Variants in HPSE2 observed in about 807,000 individuals in gnomAD.
HPSE2 encodes the protein inactive heparanase-2.
In HPSE2, 38 loss-of-function variants were observed where a neutral mutation model predicts 60.5. The ratio of observed to expected loss-of-function variants is 0.63; its 90% CI spans 0.48 to 0.82. The LOEUF (loss-of-function observed/expected upper bound fraction) is 0.82. Ranked by LOEUF, HPSE2 falls within the 40% of genes least tolerant of loss-of-function variation. The pLI, the probability that HPSE2 is intolerant of heterozygous loss-of-function variation, is 0.00. For missense variants in HPSE2, 713 were observed against 740.4 expected (o/e 0.96, Z 0.43); for synonymous variants, 295 against 293.2 (o/e 1.01, Z -0.06).
At chr10:98,765,951 G>T (rs1248487165) in intron 3 of HPSE2, among the ~76,000 whole-genome samples, 1 of 151,892 alleles carries the variant, frequency 6.6e-6, no homozygotes, top group East Asian at 1.9e-4. Flanking sequence ...GAAAGAAATA[G>T]AGTAGAAATA....
At chr10:98,698,437 A>C (rs767763918) in intron 5 of HPSE2, among the ~76,000 whole-genome samples, 3,795 of 151,670 alleles carry the variant, frequency 0.025, 86 homozygotes, top group African/African-American at 0.065. Flanking sequence ...GTTCTTTGAA[A>C]CCAACGAGAA....
the HPSE2 span, among the ~76,000 whole-genome samples, chr10:99,291,030 G>A: frequency 2.0e-5 from 3 of 152,102 alleles, no homozygotes; most frequent in African/African-American, 4.8e-5. Flanking sequence ...GTTGAACAAC[G>A]AAAAGTAATT....
intron 3 of HPSE2, among the ~76,000 whole-genome samples, chr10:98,856,674 T>C (rs1952323875): frequency 6.6e-6 from 1 of 152,184 alleles, no homozygotes; most frequent in African/African-American, 2.4e-5. Context: ...AATCTGAATG[T>C]ACTTAATGCC....
intron 3 of HPSE2, among the ~76,000 whole-genome samples, chr10:99,027,737 A>G (rs185352379): frequency 5.7e-4 from 86 of 150,662 alleles, no homozygotes; most frequent in Admixed American, 2.3e-3. Context: ...TCTCTGATGA[A>G]TACTGATGCA....
chr10:98,902,694 T>C (rs1336674455), intron 3 of HPSE2, among the ~76,000 whole-genome samples: 1 of 152,202 alleles, frequency 6.6e-6, no homozygotes, highest in Non-Finnish European at 1.5e-5. Flanking sequence ...TTGGTGCATT[T>C]AATTGTATGC....
intron 2 of HPSE2, among the ~76,000 whole-genome samples, chr10:99,229,656 G>A (rs1849583520): frequency 1.3e-5 from 2 of 152,188 alleles, no homozygotes; most frequent in African/African-American, 4.8e-5. Context: ...GGCATGCAGT[G>A]CAACCTTCCT....
At chr10:99,132,736 C>T (rs966753474) in intron 3 of HPSE2, among the ~76,000 whole-genome samples, 1 of 152,204 alleles carries the variant, frequency 6.6e-6, no homozygotes, top group African/African-American at 2.4e-5. Flanking sequence ...GTTTTCAACA[C>T]CCGCAAACCA....
intron 2 of HPSE2, among the ~76,000 whole-genome samples, chr10:99,151,606 C>G (rs117763810): frequency 6.6e-6 from 1 of 152,032 alleles, no homozygotes; most frequent in Admixed American, 6.6e-5. Flanking sequence ...CTTAAAAGCA[C>G]GGAGGAAAAA....
intron 7 of HPSE2, among the ~76,000 whole-genome samples, chr10:98,630,525 C>A (rs1220857922): frequency 6.6e-6 from 1 of 151,962 alleles, no homozygotes; most frequent in African/African-American, 2.4e-5. Flanking sequence ...ATTACCTTTC[C>A]CCTGCTCACT....
intron 9 of HPSE2, among the ~76,000 whole-genome samples, chr10:98,561,176 T>TG (rs1944169738): frequency 6.7e-6 from 1 of 149,954 alleles, no homozygotes; most frequent in East Asian, 2.0e-4. Context: ...TTCTTTTTTT[T>TG]GTTTTTTTGA....
At chr10:98,593,781 C>T (rs185786411) in intron 9 of HPSE2, among the ~76,000 whole-genome samples, 2 of 152,164 alleles carry the variant, frequency 1.3e-5, no homozygotes, top group East Asian at 3.9e-4. Context: ...GACAATATCT[C>T]CAGTTATATT....
chr10:99,158,681 G>T (rs1846690639), intron 2 of HPSE2, among the ~76,000 whole-genome samples: 1 of 148,590 alleles, frequency 6.7e-6, no homozygotes. Flanking sequence ...CACCAGCATG[G>T]CACATGTATA....
At chr10:99,184,915 A>G (rs1023176914) in intron 2 of HPSE2, among the ~76,000 whole-genome samples, 12 of 148,884 alleles carry the variant, frequency 8.1e-5, no homozygotes, top group African/African-American at 2.9e-4. Context: ...CTAACAGCTT[A>G]TATTAACTGG....
chr10:98,492,965 T>G (rs1564916963), intron 9 of HPSE2, among the ~76,000 whole-genome samples: 1 of 152,200 alleles, frequency 6.6e-6, no homozygotes, highest in African/African-American at 2.4e-5. Flanking sequence ...CTGTACCCAT[T>G]AAACATTAAC....
intron 3 of HPSE2, among the ~76,000 whole-genome samples, chr10:98,832,202 A>C (rs1415699374): frequency 6.6e-6 from 1 of 152,180 alleles, no homozygotes; most frequent in Non-Finnish European, 1.5e-5. Flanking sequence ...ATAACATATG[A>C]GCAGCATGGG....
chr10:99,182,874 T>C (rs1277320353), intron 2 of HPSE2, among the ~76,000 whole-genome samples: 2 of 151,828 alleles, frequency 1.3e-5, no homozygotes, highest in African/African-American at 2.4e-5. Context: ...CAGGCGCCTG[T>C]AGTCCCAGCT....
chr10:98,851,000 G>T (rs1952160636), intron 3 of HPSE2, among the ~76,000 whole-genome samples: 1 of 152,136 alleles, frequency 6.6e-6, no homozygotes, highest in Non-Finnish European at 1.5e-5. Flanking sequence ...TAAAACTTAG[G>T]ATTTACTGTG....
At chr10:98,642,278 C>T (rs756082003) in intron 6 of HPSE2, among the ~76,000 whole-genome samples, 1 of 152,024 alleles carries the variant, frequency 6.6e-6, no homozygotes, top group Non-Finnish European at 1.5e-5. Context: ...AATTTAACAC[C>T]CATCCCATGC....
intron 3 of HPSE2, among the ~76,000 whole-genome samples, chr10:99,064,637 T>C (rs1234841640): frequency 1.3e-5 from 2 of 151,348 alleles, no homozygotes; most frequent in East Asian, 3.9e-4. Flanking sequence ...CCCGTAATTT[T>C]CCCCAACCAA....
Sources: gnomAD v4.1 joint callset for allele counts (sites outside exome capture counted in the v4.1 genomes callset) on GRCh38, gnomAD v4.1.1 for gene constraint, MANE v1.5 for transcripts, NCBI Gene and HGNC (gene_info 2026-07-23, HGNC 2026-07-21) for gene names.